PXDNL: variants seen among roughly 807,000 people sequenced by gnomAD.
PXDNL encodes the protein probable oxidoreductase PXDNL.
Under a neutral mutation model 150.8 loss-of-function variants are expected in PXDNL, and 145 were observed. The observed-to-expected ratio is 0.96, with a 90% CI of 0.84 to 1.10. The LOEUF (loss-of-function observed/expected upper bound fraction) is 1.10. Among genes scored for constraint, PXDNL ranks in the 50% least tolerant of loss-of-function variants. The pLI, the probability that PXDNL is intolerant of heterozygous loss-of-function variation, is 0.00. For synonymous variants in PXDNL, 757 were observed against 725.7 expected, an observed-to-expected ratio of 1.04 and a Z score of -0.69; for missense variants, 2,087 against 1,873.9, an observed-to-expected ratio of 1.11 and a Z score of -2.10.
chr8:51,602,314 A>G (rs1481532838), intron 2 of PXDNL, among the ~76,000 whole-genome samples: 2 of 151,978 alleles, frequency 1.3e-5, no homozygotes, highest in Non-Finnish European at 2.9e-5. Context: ...AGGAATACCA[A>G]TAATTCATAG....
intron 3 of PXDNL, among the ~76,000 whole-genome samples, chr8:51,582,334 G>T (rs1452277663): frequency 1.3e-5 from 2 of 152,042 alleles, no homozygotes; most frequent in Non-Finnish European, 2.9e-5. Flanking sequence ...AGAAAATCAG[G>T]GTTTGTTGGT....
chr8:51,632,039 C>A (rs1353970051), intron 2 of PXDNL, among the ~76,000 whole-genome samples: 3 of 151,922 alleles, frequency 2.0e-5, no homozygotes, highest in African/African-American at 7.3e-5. Flanking sequence ...GTTCTCCAAT[C>A]AAAAGGCAGA....
At chr8:51,534,359 G>A (rs1251930516) in intron 4 of PXDNL, among the ~76,000 whole-genome samples, 14 of 147,436 alleles carry the variant, frequency 9.5e-5, no homozygotes, top group African/African-American at 1.5e-4. Context: ...AGGTGGGGGG[G>A]GGTCAGCCCC....
chr8:51,505,426 G>A (rs1363815256), intron 4 of PXDNL, among the ~76,000 whole-genome samples: 3 of 152,150 alleles, frequency 2.0e-5, no homozygotes, highest in South Asian at 2.1e-4. Flanking sequence ...TGGCAACCCC[G>A]ATCTAAGGCA....
chr8:51,560,669 C>A (rs982970489), intron 3 of PXDNL, among the ~76,000 whole-genome samples: 3 of 151,760 alleles, frequency 2.0e-5, no homozygotes, highest in Non-Finnish European at 2.9e-5. Flanking sequence ...AAGCGAAGAC[C>A]TAAAACTGTT....
intron 1 of PXDNL, among the ~76,000 whole-genome samples, chr8:51,808,529 T>C (rs2037702150): frequency 6.6e-6 from 1 of 152,200 alleles, no homozygotes; most frequent in South Asian, 2.1e-4. Context: ...AAGATAGGAT[T>C]TGAACTCAGA....
At position 51,740,037 on chromosome 8, in the gene PXDNL, G is replaced by A. The variant is rs372363725; in HGVS notation, c.164+69144C>T. Among the ~76,000 whole-genome samples the A allele has an allele frequency of 2.6e-5, 4 of 152,236 alleles. No individual in the cohort carries two copies. In the East Asian group the frequency reaches 5.8e-4, roughly 22 times the overall value. On this transcript the variant is annotated intron_variant, in intron 1 of 22. Coordinates refer to ENST00000356297, the MANE Select transcript of PXDNL (RefSeq NM_144651.5). The stretch of plus-strand genomic sequence containing the variant: ...TTAAAATTACAAAATGCTGATTAAA[G>A]AAACTAATGAATATCTAAATAAATG...
chr8:51,696,833 A>G (rs1816152794), intron 1 of PXDNL, among the ~76,000 whole-genome samples: 1 of 149,498 alleles, frequency 6.7e-6, no homozygotes, highest in African/African-American at 2.5e-5. Flanking sequence ...ACACACACAC[A>G]CACACAGGTC....
chr8:51,374,627 G>A lies in PXDNL; in HGVS notation c.3662C>T (p.Thr1221Ile). ...VGPTLMCLFV[T>I]QFQRLRDGDR... Reference sequence around the variant, plus strand: ...TCCATCTCTTAGCCGCTGAAACTGGGTAACAAACAGGCACATAAGTGTTGG... The same window carrying A: ...TCCATCTCTTAGCCGCTGAAACTGGATAACAAACAGGCACATAAGTGTTGG... The change falls in exon 18 of 23, where the codon ACC (threonine) becomes ATC (isoleucine). Residue 1221 changes from threonine to isoleucine, a missense_variant. By Grantham distance (89) the Thr-to-Ile change is moderately conservative. Transcript: ENST00000356297. The A allele has an allele frequency of 6.2e-7, 1 of 1,613,794 alleles. No homozygotes were observed.
At chr8:51,638,845 G>A (rs1814670664) in intron 2 of PXDNL, among the ~76,000 whole-genome samples, 1 of 152,074 alleles carries the variant, frequency 6.6e-6, no homozygotes, top group East Asian at 1.9e-4. Context: ...TCTGAACCAA[G>A]CAGACCTAAT....
At chr8:51,390,628 T>C (rs79508396) in intron 17 of PXDNL, among the ~76,000 whole-genome samples, 3,717 of 152,258 alleles carry the variant, frequency 0.024, 85 homozygotes, top group South Asian at 0.084. Flanking sequence ...TTGACTGCTT[T>C]CCTCATTTCT....
At chr8:51,759,539 T>C (rs568542657) in intron 1 of PXDNL, among the ~76,000 whole-genome samples, 68 of 152,292 alleles carry the variant, frequency 4.5e-4, no homozygotes, top group Non-Finnish European at 8.1e-4. Flanking sequence ...ACGCCCTAAA[T>C]ACTGGAGGGA....
chr8:51,625,630 G>T (rs1213896407), intron 2 of PXDNL, among the ~76,000 whole-genome samples: 1 of 152,148 alleles, frequency 6.6e-6, no homozygotes, highest in African/African-American at 2.4e-5. Flanking sequence ...TAAAAATTTT[G>T]ATCAGAACAT....
At chr8:51,619,868 C>A (rs1385337840) in intron 2 of PXDNL, among the ~76,000 whole-genome samples, 1 of 152,132 alleles carries the variant, frequency 6.6e-6, no homozygotes, top group Non-Finnish European at 1.5e-5. Context: ...CCTTTTCATC[C>A]AATCAGATTT....
intron 2 of PXDNL, among the ~76,000 whole-genome samples, chr8:51,619,798 G>C (rs1397561990): frequency 6.6e-6 from 1 of 151,534 alleles, no homozygotes; most frequent in African/African-American, 2.4e-5. Flanking sequence ...CTTTATAGTA[G>C]TGCAAGAACA....
chr8:51,456,324 G>A (rs1809937408), intron 9 of PXDNL, among the ~76,000 whole-genome samples: 1 of 152,076 alleles, frequency 6.6e-6, no homozygotes, highest in Non-Finnish European at 1.5e-5. Flanking sequence ...TCCCTATGCT[G>A]TCTTTTCTCC....
intron 1 of PXDNL, among the ~76,000 whole-genome samples, chr8:51,808,903 T>G: frequency 6.6e-6 from 1 of 152,282 alleles, no homozygotes; most frequent in East Asian, 1.9e-4. Context: ...GGAAAATTAT[T>G]GAAGGAAGAA....
chr8:51,502,399 A>G (rs1332504855), intron 4 of PXDNL, among the ~76,000 whole-genome samples: 1 of 152,200 alleles, frequency 6.6e-6, no homozygotes, highest in Non-Finnish European at 1.5e-5. Context: ...GCCCAAAGCC[A>G]CAAAGCCAAT....
intron 1 of PXDNL, among the ~76,000 whole-genome samples, chr8:51,701,774 C>T (rs947654373): frequency 1.3e-5 from 2 of 150,952 alleles, no homozygotes; most frequent in Admixed American, 1.3e-4. Context: ...AGATACTCAA[C>T]TATATCTTGA....
Sources: gnomAD v4.1 joint callset for allele counts (sites outside exome capture counted in the v4.1 genomes callset) on GRCh38, gnomAD v4.1.1 for gene constraint, MANE v1.5 for transcripts, NCBI Gene and HGNC (gene_info 2026-07-23, HGNC 2026-07-21) for gene names.